MED13L: variants seen among roughly 807,000 people sequenced by gnomAD.
MED13L encodes mediator complex subunit 13L, also known as mediator of RNA polymerase II transcription subunit 13-like.
MED13L carries 7 observed loss-of-function variants against 220.9 expected under a neutral mutation model. That is an observed-to-expected ratio of 0.03 (90% confidence interval 0.02 to 0.06). The LOEUF is 0.06. Among genes scored for constraint, MED13L ranks in the 10% least tolerant of loss-of-function variants. The pLI is 1.00. For synonymous variants in MED13L, 1,011 were observed against 1,015.2 expected (o/e 1.00, Z 0.08); for missense variants, 1,965 against 2,760.5 (o/e 0.71, Z 6.46).
chr12:116,061,324 A>G (rs1283546653), intron 4 of MED13L, among the ~76,000 whole-genome samples: 4 of 152,178 alleles, frequency 2.6e-5, no homozygotes, highest in Non-Finnish European at 5.9e-5. Flanking sequence ...TACAAATAAT[A>G]TGTATCTTTT....
chr12:116,268,153 G>A lies in MED13L; in HGVS notation c.72+8907C>T, dbSNP rs187607210. On this transcript the variant is annotated intron_variant, in intron 1 of 30. Coordinates refer to ENST00000281928, the MANE Select transcript of MED13L (RefSeq NM_015335.5). ...TCAACAGGGTCACTCTCCTGCAGAAGCTCATCTGATGATCAGAGGTACACA... is the reference window on the plus strand; with the variant it reads ...TCAACAGGGTCACTCTCCTGCAGAAACTCATCTGATGATCAGAGGTACACA... 1.1e-3 allele frequency among the ~76,000 whole-genome samples: 167 copies of A among 152,256 alleles called. 2 individuals carry two copies. Among genetic ancestry groups the A allele is most frequent in the Non-Finnish European group, 5.9e-5 (4 of 68,016 alleles).
chr12:115,993,010 AC>A (rs565538506), intron 16 of MED13L, among the ~76,000 whole-genome samples: 231 of 152,280 alleles, frequency 1.5e-3, no homozygotes, highest in African/African-American at 5.3e-3. Flanking sequence ...TAAAAAAAAA[AC>A]AACAGTTAAA....
chr12:116,260,224 C>T (rs544325567), intron 1 of MED13L, among the ~76,000 whole-genome samples: 6 of 152,288 alleles, frequency 3.9e-5, no homozygotes, highest in South Asian at 2.1e-4. Context: ...TCCCCACATA[C>T]GAAGGCTGAA....
At chr12:116,100,699 C>A (rs1410251301) in intron 3 of MED13L, among the ~76,000 whole-genome samples, 1 of 151,734 alleles carries the variant, frequency 6.6e-6, no homozygotes, top group South Asian at 2.1e-4. Flanking sequence ...CAGCTTGAGG[C>A]CAGGAGTTTG....
chr12:115,979,937 AAG>A (rs1305832904), intron 23 of MED13L, among the ~76,000 whole-genome samples: 1 of 152,210 alleles, frequency 6.6e-6, no homozygotes, highest in Non-Finnish European at 1.5e-5. Context: ...TATCTGTAGG[AAG>A]TAGGTTTTAA....
At chr12:116,015,639 T>C (rs1021606162) in intron 7 of MED13L, among the ~76,000 whole-genome samples, 17 of 152,218 alleles carry the variant, frequency 1.1e-4, no homozygotes, top group South Asian at 2.1e-4. Context: ...CCTCCACTGA[T>C]TGTTTTAGAT....
At chr12:115,972,345 T>G in intron 25 of MED13L, 109 bp from the exon 26 acceptor site, 1 of 1,296,362 alleles carries the variant, frequency 7.7e-7, no homozygotes, top group Non-Finnish European at 1.1e-6. Context: ...GGTTGGGCCC[T>G]AAAGGGAATT....
intron 2 of MED13L, among the ~76,000 whole-genome samples, chr12:116,140,971 TG>T (rs1877018933): frequency 6.6e-6 from 1 of 152,228 alleles, no homozygotes; most frequent in Non-Finnish European, 1.5e-5. Flanking sequence ...TTCCTTCAAC[TG>T]GTAATTATTT....
intron 25 of MED13L, 112 bp downstream of exon 25, chr12:115,975,059 G>T (rs1451604252): frequency 5.4e-6 from 6 of 1,101,990 alleles, no homozygotes; most frequent in South Asian, 1.3e-5. Flanking sequence ...TCATAAAATA[G>T]AATCTGTTTA....
intron 2 of MED13L, among the ~76,000 whole-genome samples, chr12:116,184,461 T>C (rs900310094): frequency 6.6e-6 from 1 of 152,164 alleles, no homozygotes; most frequent in African/African-American, 2.4e-5. Flanking sequence ...TTGAATCAAA[T>C]CTGTCACTGA....
intron 30 of MED13L, among the ~76,000 whole-genome samples, chr12:115,962,222 G>C (rs1439191678): frequency 2.0e-5 from 3 of 152,116 alleles, no homozygotes; most frequent in Non-Finnish European, 4.4e-5. Flanking sequence ...TGGCACCAGG[G>C]ACCAGTTTCG....
At chr12:116,132,800 A>G (rs1180240979) in intron 2 of MED13L, among the ~76,000 whole-genome samples, 1 of 151,938 alleles carries the variant, frequency 6.6e-6, no homozygotes, top group Non-Finnish European at 1.5e-5. Context: ...TGTGCCTGTA[A>G]TCCCAGTTAT....
At chr12:116,183,876 T>C (rs981800735) in intron 2 of MED13L, among the ~76,000 whole-genome samples, 18 of 151,844 alleles carry the variant, frequency 1.2e-4, no homozygotes, top group African/African-American at 3.4e-4. Context: ...TGTGTATATA[T>C]AGATAGTGGC....
At chr12:115,987,019 A>T in intron 18 of MED13L, 90 bp downstream of exon 18, 1 of 1,297,364 alleles carries the variant, frequency 7.7e-7, no homozygotes, top group Non-Finnish European at 1.1e-6. Context: ...CTATTTTGTT[A>T]GTGACGCAAG....
chr12:116,105,934 T>C (rs1164349535), intron 3 of MED13L, among the ~76,000 whole-genome samples: 2 of 152,178 alleles, frequency 1.3e-5, no homozygotes, highest in Non-Finnish European at 1.5e-5. Flanking sequence ...AAATGGGATA[T>C]ACCATTTCCG....
chr12:116,011,537 ATG>A (rs1427874310), intron 9 of MED13L, among the ~76,000 whole-genome samples: 1 of 152,176 alleles, frequency 6.6e-6, no homozygotes, highest in Non-Finnish European at 1.5e-5. Context: ...TTTATATCCT[ATG>A]TATGTGCTAA....
At chr12:116,194,748 AT>A (rs1482356872) in intron 2 of MED13L, among the ~76,000 whole-genome samples, 2 of 152,184 alleles carry the variant, frequency 1.3e-5, no homozygotes, top group Non-Finnish European at 1.5e-5. Flanking sequence ...GCTAGAAATA[AT>A]TTTTTTAATT....
At chr12:116,213,329 G>A (rs1343335877) in intron 2 of MED13L, among the ~76,000 whole-genome samples, 1 of 152,192 alleles carries the variant, frequency 6.6e-6, no homozygotes, top group African/African-American at 2.4e-5. Context: ...AGCAAGCATG[G>A]AGGGGCAAAT....
intron 2 of MED13L, chr12:116,236,998 A>T (rs1015935291): frequency 5.2e-6 from 2 of 381,640 alleles, no homozygotes; most frequent in Admixed American, 1.3e-4. Context: ...AATACTATTC[A>T]ATGTAATCTC....
Sources: gnomAD v4.1 joint callset for allele counts (sites outside exome capture counted in the v4.1 genomes callset) on GRCh38, gnomAD v4.1.1 for gene constraint, MANE v1.5 for transcripts, NCBI Gene and HGNC (gene_info 2026-07-23, HGNC 2026-07-21) for gene names.